The following RBIS variants were observed in gnomAD, a reference collection of about 807,000 sequenced individuals.
RBIS encodes ribosome biogenesis factor identified in screen.
In RBIS, 9 loss-of-function variants were observed where a neutral mutation model predicts 9.8. The observed-to-expected ratio is 0.92, with a 90% confidence interval of 0.56 to 1.61. The LOEUF is 1.61. RBIS is among the 40% of genes most tolerant of loss of function. RBIS has a pLI of 0.00. For missense variants in RBIS, 103 were observed against 116.0 expected, an observed-to-expected ratio of 0.89 and a Z score of 0.51; for synonymous variants, 35 against 37.9, an observed-to-expected ratio of 0.92 and a Z score of 0.28.
chr8:85,217,269 A>T, intron 2 of RBIS, 117 bp downstream of exon 2: 1 of 734,522 alleles, frequency 1.4e-6, no homozygotes, highest in South Asian at 1.5e-5. Flanking sequence ...AACCATCCTT[A>T]CCTTTCTAGG....
rs556208081 is a variant in RBIS at position 85,214,515 on chromosome 8, T to A, written c.*45A>T. ...TTAAAAATAAAATTGTATAAAACAT[T>A]CAATTTATTGGTCTTTGTGGAGAAT... On this transcript the variant is annotated 3_prime_UTR_variant, in exon 4 of 4. Transcript: ENST00000619594. 41 of 1,242,426 alleles carry A rather than the reference T, an allele frequency of 3.3e-5. No individual in the cohort carries two copies. Among genetic ancestry groups the A allele is most frequent in the Admixed American group, 1.3e-4 (7 of 52,410 alleles). 77.0% of individuals were successfully genotyped at this position (1,242,426 alleles called of 1,614,324 possible).
rs770776043 is a variant in RBIS, at chr8:85,214,282, C to T, written c.*278G>A. The stretch of plus-strand genomic sequence containing the variant: ...CTGTATGTCCTTCTATCCAAACAGA[C>T]GTTCACTGCCACTTGTAAAGTGAAG... On this transcript the variant is annotated 3_prime_UTR_variant, in exon 4 of 4. Transcript: ENST00000619594. The T allele has an allele frequency of 2.3e-5, 13 of 568,260 alleles. No homozygotes were observed. The highest frequency in any genetic ancestry group is 1.1e-4 in the East Asian group (3 of 26,450). The allele number at this position is 568,260 out of a possible 1,614,324, so 35.2% of individuals were successfully genotyped here.
Position 85,214,645 on chromosome 8 carries a change from GTAT to G in RBIS, c.232-17_232-15del, listed in dbSNP as rs1285696764. On this transcript the variant is annotated splice_polypyrimidine_tract_variant and intron_variant, in intron 3 of 3. Coordinates refer to ENST00000619594, the MANE Select transcript of RBIS (RefSeq NM_001099673.3). ...CTGCTGAGGAATCTGAAAGGAGAAA[GTAT>G]TATATTTAAAAACACAGACAACAAT... 3 of 1,475,168 alleles carry G rather than the reference GTAT, an allele frequency of 2.0e-6. No individual in the cohort carries two copies. Among genetic ancestry groups the G allele is most frequent in the Non-Finnish European group, 2.8e-6 (3 of 1,056,116 alleles). 91.4% of individuals were successfully genotyped at this position (1,475,168 alleles called of 1,614,324 possible).
At chr8:85,214,743 A>G in intron 3 of RBIS, 112 bp from the exon 4 acceptor site, 1 of 821,478 alleles carries the variant, frequency 1.2e-6, no homozygotes, top group Non-Finnish European at 2.1e-6. Context: ...GAAGTAGAAC[A>G]ATCTGTATAT....
At chr8:85,214,857 T>TGG (rs908395779) in intron 3 of RBIS, 64 bp downstream of exon 3, 7 of 924,856 alleles carry the variant, frequency 7.6e-6, no homozygotes, top group Admixed American at 2.4e-5. Flanking sequence ...TTTGAAAACT[T>TGG]GGGAGTTTAA....
At position 85,217,368 on chromosome 8, in the gene RBIS, T is replaced by G; in HGVS notation, c.114+18A>C. 1 of 1,351,800 alleles carries G rather than the reference T, an allele frequency of 7.4e-7. No homozygotes were observed. Among genetic ancestry groups the G allele is most frequent in the Non-Finnish European group, 1.1e-6 (1 of 941,076 alleles). The allele number at this position is 1,351,800 out of a possible 1,614,324, so 83.7% of individuals were successfully genotyped here. On this transcript the variant is annotated intron_variant, in intron 2 of 3. Transcript: ENST00000619594. ...TTGCTTGTAAACAATAAAGTCAGAG[T>G]GCTTAACTAATACTCACCTTCTTAA...
rs772162086 is a variant in RBIS at position 85,215,007 on chromosome 8, T to C, written c.145A>G (p.Arg49Gly). The stretch of plus-strand genomic sequence containing the variant: ...ACATTTACAAAAGCTTTATTTACTC[T>C]GTTAACTTTTTCCTCATTCATAATG... ...INIMNEEKVN[R>G]VNKAFVNVQK... Residue 49 changes from arginine (R) to glycine (G), a missense_variant, in exon 3 of 4, where the codon AGA becomes GGA. By Grantham distance (125) the Arg-to-Gly change is moderately radical. Coordinates refer to ENST00000619594, the MANE Select transcript of RBIS (RefSeq NM_001099673.3). The C allele has an allele frequency of 1.3e-4, 197 of 1,542,108 alleles. No individual in the cohort carries two copies. The highest frequency in any genetic ancestry group is 1.5e-4 in the Non-Finnish European group (170 of 1,128,630).
chr8:85,217,574 G>T, intron 1 of RBIS, 72 bp from the exon 2 acceptor site: 1 of 945,876 alleles, frequency 1.1e-6, no homozygotes. Context: ...GTTTTTAAAG[G>T]TACCAATTAA....
At chr8:85,219,076 A>G (rs1813260840) in intron 1 of RBIS, 1 of 152,256 alleles carries the variant, frequency 6.6e-6, no homozygotes, top group South Asian at 2.1e-4. Context: ...TTCCCAATGT[A>G]TAAGGGGCAA....
intron 1 of RBIS, among the ~76,000 whole-genome samples, 153 bp downstream of exon 1, chr8:85,220,153 G>C (rs774678064): frequency 1.2e-4 from 18 of 152,228 alleles, no homozygotes; most frequent in Non-Finnish European, 2.4e-4. Flanking sequence ...AAGCACCGGG[G>C]TTTCGGGCCT....
intron 2 of RBIS, chr8:85,215,502 A>T (rs1196803089): frequency 1.3e-5 from 2 of 152,238 alleles, no homozygotes; most frequent in African/African-American, 4.8e-5. Context: ...AGGAGTGGGG[A>T]TAAAGGTTAA....
At chr8:85,218,956 C>T (rs571112874) in intron 1 of RBIS, 15 of 152,286 alleles carry the variant, frequency 9.8e-5, no homozygotes, top group Admixed American at 9.1e-4. Flanking sequence ...ATTTAGTGTC[C>T]GACCTTTAAC....
Position 85,214,334 on chromosome 8 carries a change from T to G in RBIS, c.*226A>C. 1.7e-6 allele frequency: 1 copy of G among 591,632 alleles called. No individual in the cohort carries two copies. Among genetic ancestry groups the G allele is most frequent in the Non-Finnish European group, 3.0e-6 (1 of 332,506 alleles). The allele number at this position is 591,632 out of a possible 1,614,324, so 36.6% of individuals were successfully genotyped here. A position where few individuals can be genotyped will look rare whatever the true frequency, so the allele number is the denominator to read the frequency against. On this transcript the variant is annotated 3_prime_UTR_variant, in exon 4 of 4. Transcript: ENST00000619594. ...ATGTAAACGAGGATATATAACTGTT[T>G]CAGTGAACAGATTTTGTGAAGTGCC... is the stretch of plus-strand genomic sequence containing the variant.
rs1208254787 is a variant in RBIS at position 85,214,904 on chromosome 8, A to G, written c.231+17T>C. 4.4e-6 allele frequency: 6 copies of G among 1,359,830 alleles called. No individual in the cohort carries two copies. Among genetic ancestry groups the G allele is most frequent in the South Asian group, 2.6e-5 (2 of 77,560 alleles). 84.2% of individuals were successfully genotyped at this position (1,359,830 alleles called of 1,614,324 possible). A position where few individuals can be genotyped will look rare whatever the true frequency, so the allele number is the denominator to read the frequency against. ...CAATTTGTTAGCCATAAAAAAAAGC[A>G]AATGATTTCTGCTTACCAGTTCTTT... On this transcript the variant is annotated intron_variant, in intron 3 of 3. Transcript: ENST00000619594.
chr8:85,214,755 C>T, intron 3 of RBIS, 124 bp from the exon 4 acceptor site: 1 of 790,762 alleles, frequency 1.3e-6, no homozygotes, highest in Non-Finnish European at 2.2e-6. Context: ...TCTGTATATT[C>T]TGACAATGTT....
intron 1 of RBIS, among the ~76,000 whole-genome samples, chr8:85,218,327 A>G (rs1275722771): frequency 6.6e-6 from 1 of 152,090 alleles, no homozygotes; most frequent in African/African-American, 2.4e-5. Flanking sequence ...CCAATGTCAC[A>G]CTGTCAATAA....
At chr8:85,216,730 C>T (rs1211671244) in intron 2 of RBIS, 3 of 152,236 alleles carry the variant, frequency 2.0e-5, no homozygotes, top group Non-Finnish European at 2.9e-5. Context: ...AGCTTAACTC[C>T]GCTAGCTCAT....
intron 1 of RBIS, among the ~76,000 whole-genome samples, chr8:85,219,518 G>C (rs1813280303): frequency 1.3e-5 from 2 of 152,168 alleles, no homozygotes; most frequent in Admixed American, 1.3e-4. Flanking sequence ...GGGAGGCCGA[G>C]GCGGACGGAT....
At chr8:85,216,682 C>G (rs1385672934) in intron 2 of RBIS, 2 of 152,264 alleles carry the variant, frequency 1.3e-5, no homozygotes, top group Non-Finnish European at 2.9e-5. Flanking sequence ...TAATTTCATT[C>G]TTAGCATTTA....
Sources: allele counts gnomAD v4.1 joint callset (sites outside exome capture counted in the v4.1 genomes callset), GRCh38; gene constraint gnomAD v4.1.1; transcripts MANE v1.5; gene names NCBI Gene and HGNC (gene_info 2026-07-23, HGNC 2026-07-21).